The following EPM2A variants were observed in gnomAD, a reference collection of about 807,000 sequenced individuals.
EPM2A encodes the protein EPM2A glucan phosphatase, laforin.
Under a neutral mutation model 26.5 loss-of-function variants are expected in EPM2A, and 21 were observed. That is an observed-to-expected ratio of 0.79 (90% CI 0.56 to 1.14). EPM2A has a LOEUF of 1.14. Among genes scored for constraint, EPM2A ranks in the 50% most tolerant of loss-of-function variants. The pLI is 0.00. For missense variants in EPM2A, 458 were observed against 440.8 expected, an observed-to-expected ratio of 1.04 and a Z score of -0.35; for synonymous variants, 217 against 177.6, an observed-to-expected ratio of 1.22 and a Z score of -1.76.
In EPM2A at chr6:145,627,435, GA is replaced by G; in HGVS notation, c.976del (p.Ser326LeufsTer24). The G allele has an allele frequency of 6.2e-7, 1 of 1,614,208 alleles. No individual in the cohort carries two copies. The highest frequency in any genetic ancestry group is 8.5e-7 in the Non-Finnish European group (1 of 1,180,044). Reference sequence around the variant, plus strand: ...GACCAGCTACAGGCTACACACAGAAGAACGAACCTTCCCAAATTTCTGGAAA... The same window carrying G: ...GACCAGCTACAGGCTACACACAGAAGACGAACCTTCCCAAATTTCTGGAAA... ...DFFQKFGKVR[S>X]SVCSL is the part of the protein sequence containing the mutation. On this transcript the variant is annotated frameshift_variant, in exon 4 of 4. Transcript: ENST00000367519. LOFTEE classifies it high-confidence loss of function.
At chr6:145,675,179 C>T (rs1254673496) in intron 2 of EPM2A, among the ~76,000 whole-genome samples, 1 of 152,112 alleles carries the variant, frequency 6.6e-6, no homozygotes, top group Non-Finnish European at 1.5e-5. Context: ...CATTTCCACC[C>T]AAACTAAGCT....
chr6:145,544,925 G>C (rs1227140035), intron 2 of EPM2A, among the ~76,000 whole-genome samples: 1 of 152,128 alleles, frequency 6.6e-6, no homozygotes, highest in Admixed American at 6.6e-5. Context: ...TCACTTGAAA[G>C]CTTTAAGCAT....
chr6:145,704,009 TAAAG>T (rs1193976131), intron 1 of EPM2A, among the ~76,000 whole-genome samples: 1 of 152,216 alleles, frequency 6.6e-6, no homozygotes, highest in Non-Finnish European at 1.5e-5. Flanking sequence ...AAAATTGTCA[TAAAG>T]AACCAATAGC....
chr6:145,577,067 T>C (rs1365563561), intron 2 of EPM2A, among the ~76,000 whole-genome samples: 1 of 151,170 alleles, frequency 6.6e-6, no homozygotes, highest in Non-Finnish European at 1.5e-5. Context: ...AATTACAACA[T>C]TCTGCCAGAA....
rs563610356 is a variant in EPM2A at position 145,686,099 on chromosome 6, T to A, written c.476+23A>T. The A allele has an allele frequency of 2.5e-6, 4 of 1,595,578 alleles. No homozygotes were observed. The South Asian group carries it at 4.4e-5, about 18-fold the overall frequency. On this transcript the variant is annotated intron_variant, in intron 2 of 3. Transcript: ENST00000367519. ...CTATCTCTTGTCCTACTTCTATGCC[T>A]ATAAATATAGCACTATTTTTACCTT...
chr6:145,492,898 G>A (rs963920086), intron 4 of EPM2A, among the ~76,000 whole-genome samples: 9 of 152,214 alleles, frequency 5.9e-5, no homozygotes, highest in African/African-American at 2.2e-4. Context: ...GGCAACATTT[G>A]TTCAGGAAAA....
intron 2 of EPM2A, among the ~76,000 whole-genome samples, chr6:145,543,722 T>C (rs887955716): frequency 6.6e-6 from 1 of 152,214 alleles, no homozygotes; most frequent in Non-Finnish European, 1.5e-5. Flanking sequence ...TTGACTGTAT[T>C]GATTACATGG....
At chr6:145,690,379 G>A (rs980705487) in intron 1 of EPM2A, among the ~76,000 whole-genome samples, 6 of 151,268 alleles carry the variant, frequency 4.0e-5, no homozygotes, top group African/African-American at 9.7e-5. Context: ...GTGCGGTGGC[G>A]GGCGCCTGTA....
chr6:145,636,527 A>G (rs1482942136), intron 2 of EPM2A: 1 of 152,186 alleles, frequency 6.6e-6, no homozygotes, highest in East Asian at 1.9e-4. Flanking sequence ...GGGTAAGCAG[A>G]ACTGAAGTTT....
At chr6:145,565,578 A>T (rs1780874314) in intron 2 of EPM2A, among the ~76,000 whole-genome samples, 1 of 152,218 alleles carries the variant, frequency 6.6e-6, no homozygotes, top group African/African-American at 2.4e-5. Flanking sequence ...TGCCAGGGCC[A>T]TGACCAAGAA....
rs1405091517 is a variant in EPM2A, at chr6:145,683,519, T to C, written c.476+2603A>G. 2.6e-5 allele frequency among the ~76,000 whole-genome samples: 4 copies of C among 152,058 alleles called. No individual in the cohort carries two copies. The East Asian group carries it at 7.7e-4, about 29-fold the overall frequency. On this transcript the variant is annotated intron_variant, in intron 2 of 3. Coordinates refer to ENST00000367519, the MANE Select transcript of EPM2A (RefSeq NM_005670.4). Reference sequence around the variant, plus strand: ...GACTTGGATGTAAAACTATGTTGCTTTAAAGAAAATAAAGAAACGTACGCT... The same window carrying C: ...GACTTGGATGTAAAACTATGTTGCTCTAAAGAAAATAAAGAAACGTACGCT...
chr6:145,567,151 T>C (rs1319250589), intron 2 of EPM2A, among the ~76,000 whole-genome samples: 1 of 152,162 alleles, frequency 6.6e-6, no homozygotes, highest in Non-Finnish European at 1.5e-5. Context: ...ATGCAAACTT[T>C]TCTTAAACAC....
chr6:145,714,654 G>C (rs745603638), intron 1 of EPM2A, among the ~76,000 whole-genome samples: 1 of 152,262 alleles, frequency 6.6e-6, no homozygotes, highest in Non-Finnish European at 1.5e-5. Flanking sequence ...ATGTGGTTGG[G>C]GAAGCCTCAC....
intron 2 of EPM2A, among the ~76,000 whole-genome samples, chr6:145,658,634 T>C (rs1778463454): frequency 6.6e-6 from 1 of 152,222 alleles, no homozygotes; most frequent in African/African-American, 2.4e-5. Flanking sequence ...CAAAAATATC[T>C]ACTCTGGAAT....
intron 4 of EPM2A, among the ~76,000 whole-genome samples, chr6:145,472,729 T>C (rs1479409879): frequency 6.6e-6 from 1 of 152,172 alleles, no homozygotes; most frequent in Non-Finnish European, 1.5e-5. Context: ...GTGTTTTGAA[T>C]GCTAGCTCAG....
chr6:145,536,331 T>C (rs1369025338), intron 2 of EPM2A, among the ~76,000 whole-genome samples: 1 of 151,982 alleles, frequency 6.6e-6, no homozygotes, highest in Non-Finnish European at 1.5e-5. Context: ...AGTCTCACTC[T>C]GTCACCCAGG....
intron 2 of EPM2A, among the ~76,000 whole-genome samples, chr6:145,600,108 T>C: frequency 6.6e-6 from 1 of 152,234 alleles, no homozygotes; most frequent in East Asian, 1.9e-4. Flanking sequence ...CTTTATATTC[T>C]GTCTTATTTT....
intron 4 of EPM2A, among the ~76,000 whole-genome samples, chr6:145,435,777 T>TTTG (rs370646822): frequency 3.9e-5 from 6 of 152,046 alleles, no homozygotes; most frequent in African/African-American, 7.2e-5. Context: ...TAGCATGATT[T>TTTG]TTGTTGTTGT....
intron 1 of EPM2A, among the ~76,000 whole-genome samples, chr6:145,727,471 T>C (rs1776268110): frequency 6.6e-6 from 1 of 152,068 alleles, no homozygotes; most frequent in African/African-American, 2.4e-5. Context: ...AAAGGGTAAT[T>C]TAATTGAAAG....
Sources: gnomAD v4.1 joint callset for allele counts (sites outside exome capture counted in the v4.1 genomes callset) on GRCh38, gnomAD v4.1.1 for gene constraint, MANE v1.5 for transcripts, NCBI Gene and HGNC (gene_info 2026-07-23, HGNC 2026-07-21) for gene names.